CNTNAP2: variants seen among roughly 807,000 people sequenced by gnomAD.
The protein encoded by CNTNAP2 is contactin-associated protein-like 2.
CNTNAP2 carries 98 observed loss-of-function variants against 155.2 expected under a neutral mutation model. The observed-to-expected ratio is 0.63, with a 90% CI of 0.54 to 0.75. The LOEUF (loss-of-function observed/expected upper bound fraction) is 0.75, where lower values mean the gene tolerates loss of function less well. Ranked by LOEUF, CNTNAP2 falls within the 30% of genes least tolerant of loss-of-function variation. CNTNAP2 has a pLI of 0.00. For missense variants in CNTNAP2, 1,727 were observed against 1,688.1 expected (o/e 1.02, Z -0.40); for synonymous variants, 651 against 631.2 (o/e 1.03, Z -0.47).
Position 147,540,124 on chromosome 7 carries a change from A to G in CNTNAP2, c.1778-22014A>G, listed in dbSNP as rs1167580556. Reference sequence around the variant, plus strand: ...TCTGCATTACTTTGAGACTTAATCAAAGTCCTTCAGTTAAAGCATCAGTTC... The same window carrying G: ...TCTGCATTACTTTGAGACTTAATCAGAGTCCTTCAGTTAAAGCATCAGTTC... On this transcript the variant is annotated intron_variant, in intron 11 of 23. Coordinates refer to ENST00000361727, the MANE Select transcript of CNTNAP2 (RefSeq NM_014141.6). Among the ~76,000 whole-genome samples, 3 of 152,178 alleles carry G rather than the reference A, an allele frequency of 2.0e-5. No homozygotes were observed. The South Asian group carries it at 6.2e-4, about 32-fold the overall frequency.
Position 148,217,439 on chromosome 7 carries a change from C to G in CNTNAP2, c.3162C>G (p.Ser1054Arg). 6.2e-7 allele frequency: 1 copy of G among 1,614,192 alleles called. No homozygotes were observed. Among genetic ancestry groups the G allele is most frequent in the Non-Finnish European group, 8.5e-7 (1 of 1,180,030 alleles). The change falls in exon 19 of 24, where the codon AGC becomes AGG. Residue 1054 changes from serine to arginine, a missense_variant. Ser to Arg is a moderately radical substitution (Grantham distance 110). Transcript: ENST00000361727. ...PDLAQEEIRFSFSTTKAPCIL... is the reference protein window; with the variant it reads ...PDLAQEEIRFRFSTTKAPCIL... ...TGGCACAGGAGGAGATCCGCTTCAG[C>G]TTCAGCACCACCAAGGCGCCCTGCA... is the stretch of plus-strand genomic sequence containing the variant.
chr7:147,047,275 ATTTT>A (rs35453952), intron 4 of CNTNAP2, among the ~76,000 whole-genome samples: 16 of 111,386 alleles, frequency 1.4e-4, no homozygotes, highest in African/African-American at 5.8e-4. Context: ...CGCCCGGCTA[ATTTT>A]TTTTTTTTTT....
At chr7:146,229,587 G>A (rs802544) in intron 1 of CNTNAP2, among the ~76,000 whole-genome samples, 104,579 of 151,930 alleles carry the variant, frequency 0.69, 37,173 homozygotes, top group East Asian at 0.94. Flanking sequence ...AGAATGCATT[G>A]TTACATTAAT....
At chr7:146,530,737 G>A (rs1011908997) in intron 1 of CNTNAP2, among the ~76,000 whole-genome samples, 2 of 152,180 alleles carry the variant, frequency 1.3e-5, no homozygotes, top group African/African-American at 4.8e-5. Context: ...ATGCTGGTGA[G>A]GTTGTAGAGA....
intron 1 of CNTNAP2, among the ~76,000 whole-genome samples, chr7:146,538,695 A>G (rs1240147362): frequency 2.0e-5 from 3 of 152,000 alleles, no homozygotes; most frequent in Non-Finnish European, 2.9e-5. Context: ...CAGACAACAG[A>G]AATCAAGGCT....
rs576245177 is a variant in CNTNAP2, at chr7:147,497,565, T to C, written c.1777+11524T>C. 2.6e-5 allele frequency among the ~76,000 whole-genome samples: 4 copies of C among 152,346 alleles called. No homozygotes were observed. In the South Asian group the frequency reaches 8.3e-4, roughly 32 times the overall value. The stretch of plus-strand genomic sequence containing the variant: ...TGGATAAAGAAATACCTCTAAGAAT[T>C]TGTCTGTGAAGAGGAAAATGCCTCC... On this transcript the variant is annotated intron_variant, in intron 11 of 23. Coordinates refer to ENST00000361727, the MANE Select transcript of CNTNAP2 (RefSeq NM_014141.6).
Position 148,415,382 on chromosome 7 carries a change from T to G in CNTNAP2, c.3797-35T>G, listed in dbSNP as rs758943667. The G allele has an allele frequency of 8.1e-6, 13 of 1,608,236 alleles. No homozygotes were observed. In the South Asian group the frequency reaches 1.3e-4, roughly 16 times the overall value. On this transcript the variant is annotated intron_variant, in intron 23 of 23. Transcript: ENST00000361727. The stretch of plus-strand genomic sequence containing the variant: ...CAGTGTTGGAGGGACTCCCAAGCCC[T>G]GTCTAACCTCTCGTGCTTCTCCTTT...
At chr7:148,108,443 A>G (rs1005796668) in intron 15 of CNTNAP2, among the ~76,000 whole-genome samples, 2 of 152,050 alleles carry the variant, frequency 1.3e-5, no homozygotes, top group Non-Finnish European at 2.9e-5. Context: ...GAGGAAGGAA[A>G]GAGATGACGA....
At chr7:147,051,673 GTC>G (rs750580071) in intron 4 of CNTNAP2, among the ~76,000 whole-genome samples, 77 of 152,142 alleles carry the variant, frequency 5.1e-4, no homozygotes, top group South Asian at 1.5e-3. Context: ...AGCAACATAA[GTC>G]TCATTTCAGT....
chr7:147,612,302 A>C (rs188922184), intron 12 of CNTNAP2, among the ~76,000 whole-genome samples: 11 of 152,316 alleles, frequency 7.2e-5, no homozygotes, highest in African/African-American at 2.6e-4. Context: ...GAAATAAGAT[A>C]CATCTTGCTT....
At chr7:148,291,559 G>A (rs1294516133) in intron 21 of CNTNAP2, among the ~76,000 whole-genome samples, 2 of 151,968 alleles carry the variant, frequency 1.3e-5, no homozygotes, top group Non-Finnish European at 2.9e-5. Flanking sequence ...TGATTAGATG[G>A]TGCCCACCCA....
intron 13 of CNTNAP2, among the ~76,000 whole-genome samples, chr7:147,854,038 A>C (rs1172349711): frequency 1.3e-5 from 2 of 152,202 alleles, no homozygotes; most frequent in East Asian, 3.9e-4. Context: ...GAAAGTTAAC[A>C]GTGGTTTAGA....
At chr7:146,179,341 T>C (rs960093604) in intron 1 of CNTNAP2, among the ~76,000 whole-genome samples, 2 of 152,086 alleles carry the variant, frequency 1.3e-5, no homozygotes, top group Non-Finnish European at 2.9e-5. Flanking sequence ...GGGGGTGTAA[T>C]TGACCCTAAA....
intron 10 of CNTNAP2, among the ~76,000 whole-genome samples, chr7:147,421,585 C>CTGTGTGTGTGTGTGTG (rs55983110): frequency 0.11 from 16,204 of 143,468 alleles, 1,098 homozygotes; most frequent in East Asian, 0.25. Context: ...TCTATCTAAT[C>CTGTGTGTGTGTGTGTG]TGTGTGTGTG....
chr7:146,752,759 A>G (rs1182985769), intron 1 of CNTNAP2, among the ~76,000 whole-genome samples: 1 of 152,166 alleles, frequency 6.6e-6, no homozygotes, highest in African/African-American at 2.4e-5. Flanking sequence ...GGGGTTTTAC[A>G]TGAAAGTCTT....
At chr7:147,377,179 T>C (rs1796449913) in intron 9 of CNTNAP2, among the ~76,000 whole-genome samples, 1 of 151,600 alleles carries the variant, frequency 6.6e-6, no homozygotes, top group Admixed American at 6.6e-5. Context: ...AATATCGATT[T>C]CCCCTACAAT....
At chr7:147,265,721 C>G (rs570056156) in intron 8 of CNTNAP2, among the ~76,000 whole-genome samples, 6 of 152,166 alleles carry the variant, frequency 3.9e-5, no homozygotes, top group Non-Finnish European at 8.8e-5. Flanking sequence ...GACTTCCCAA[C>G]AGAGGTCACC....
chr7:146,540,106 A>C lies in CNTNAP2; in HGVS notation c.98-234165A>C, dbSNP rs1016972459. Among the ~76,000 whole-genome samples the C allele has an allele frequency of 2.6e-5, 4 of 152,082 alleles. No homozygotes were observed. The South Asian group carries it at 8.3e-4, about 31-fold the overall frequency. On this transcript the variant is annotated intron_variant, in intron 1 of 23. Coordinates refer to ENST00000361727, the MANE Select transcript of CNTNAP2 (RefSeq NM_014141.6). ...ACTTAATAGCTTTGGATTGGTGAGC[A>C]CAGTGTGGCAAGAGTGTTAAAGTGA...
rs562074835 is a variant in CNTNAP2 at position 146,543,153 on chromosome 7, C to T, written c.98-231118C>T. ...TGCACTATACATATACATATATAAA[C>T]ATCATATTGCACTTAATAAATTTTT... On this transcript the variant is annotated intron_variant, in intron 1 of 23. Coordinates refer to ENST00000361727, the MANE Select transcript of CNTNAP2 (RefSeq NM_014141.6). Among the ~76,000 whole-genome samples the T allele has an allele frequency of 3.3e-5, 5 of 151,864 alleles. No homozygotes were observed. The East Asian group carries it at 7.8e-4, about 24-fold the overall frequency.
Sources: allele counts gnomAD v4.1 joint callset (sites outside exome capture counted in the v4.1 genomes callset), GRCh38; gene constraint gnomAD v4.1.1; transcripts MANE v1.5; gene names NCBI Gene and HGNC (gene_info 2026-07-23, HGNC 2026-07-21).